The following RGS6 variants were observed in gnomAD, a reference collection of about 807,000 sequenced individuals.
RGS6 encodes regulator of G protein signaling 6.
Under a neutral mutation model 78.5 loss-of-function variants are expected in RGS6, and 30 were observed. The ratio of observed to expected loss-of-function variants is 0.38; its 90% confidence interval spans 0.29 to 0.52. The LOEUF is 0.52. RGS6 is among the 20% of genes least tolerant of loss of function. The pLI, the probability that RGS6 is intolerant of heterozygous loss-of-function variation, is 0.85. For synonymous variants in RGS6, 206 were observed against 206.0 expected (o/e 1.00, Z 0.00); for missense variants, 495 against 609.7 (o/e 0.81, Z 1.98).
In RGS6 at chr14:72,518,424, C is replaced by A; in HGVS notation, c.1165C>A (p.Gln389Lys). The A allele has an allele frequency of 6.2e-7, 1 of 1,614,184 alleles. No homozygotes were observed. The highest frequency in any genetic ancestry group is 1.1e-5 in the South Asian group (1 of 91,084). ...GGCCAAGAGGGTAGAAGAAATCTGGCAAGAGTTTCTGGCTCCAGGGGCTCC... is the reference window on the plus strand; with the variant it reads ...GGCCAAGAGGGTAGAAGAAATCTGGAAAGAGTTTCTGGCTCCAGGGGCTCC... ...DVAKRVEEIW[Q>K]EFLAPGAPSA... is the part of the protein sequence containing the mutation. Residue 389 changes from glutamine (Q) to lysine (K), a missense_variant, in exon 15 of 18, where the codon CAA (glutamine) becomes AAA (lysine). Gln to Lys is a moderately conservative substitution (Grantham distance 53). Transcript: ENST00000553525.
At chr14:72,469,061 C>T (rs2096003947) in intron 7 of RGS6, among the ~76,000 whole-genome samples, 3 of 152,140 alleles carry the variant, frequency 2.0e-5, no homozygotes, top group African/African-American at 7.2e-5. Context: ...CTCCTCGCCG[C>T]CCATCCTCAT....
intron 2 of RGS6, among the ~76,000 whole-genome samples, chr14:72,327,569 G>A (rs1306609523): frequency 3.9e-5 from 6 of 152,208 alleles, no homozygotes; most frequent in Non-Finnish European, 8.8e-5. Flanking sequence ...TACATCACCA[G>A]TCAGGTGTAC....
intron 3 of RGS6, among the ~76,000 whole-genome samples, chr14:72,402,765 T>C (rs1319342259): frequency 6.6e-6 from 1 of 151,688 alleles, no homozygotes; most frequent in Non-Finnish European, 1.5e-5. Flanking sequence ...CTGTATTGTT[T>C]TGTTTTATAT....
intron 2 of RGS6, among the ~76,000 whole-genome samples, chr14:72,026,029 A>G (rs1200938323): frequency 6.6e-6 from 1 of 152,198 alleles, no homozygotes; most frequent in Non-Finnish European, 1.5e-5. Flanking sequence ...GTTGAACTTC[A>G]GAGAATAGTC....
At chr14:72,005,710 G>C (rs12148043) in intron 2 of RGS6, among the ~76,000 whole-genome samples, 1 of 151,850 alleles carries the variant, frequency 6.6e-6, no homozygotes, top group African/African-American at 2.4e-5. Flanking sequence ...TCATTTGAAG[G>C]GTCCTTTGGA....
At chr14:72,173,445 G>A (rs997822634) in intron 2 of RGS6, among the ~76,000 whole-genome samples, 1 of 152,200 alleles carries the variant, frequency 6.6e-6, no homozygotes, top group Admixed American at 6.5e-5. Context: ...GCCAGTCGCT[G>A]TGACAGAATG....
At chr14:72,444,061 C>T (rs890732803) in intron 3 of RGS6, among the ~76,000 whole-genome samples, 1 of 152,316 alleles carries the variant, frequency 6.6e-6, no homozygotes, top group African/African-American at 2.4e-5. Context: ...CTAATCTCTC[C>T]TCCACCCCCA....
At chr14:72,238,600 T>C (rs1301478544) in intron 2 of RGS6, among the ~76,000 whole-genome samples, 1 of 152,190 alleles carries the variant, frequency 6.6e-6, no homozygotes, top group Non-Finnish European at 1.5e-5. Context: ...TCATCTTGTT[T>C]TCTCAGTGTG....
At chr14:72,335,846 C>G (rs967195569) in intron 2 of RGS6, among the ~76,000 whole-genome samples, 13 of 152,176 alleles carry the variant, frequency 8.5e-5, no homozygotes, top group African/African-American at 3.1e-4. Context: ...GGAAGAAGAT[C>G]TAATCACTCT....
chr14:72,219,899 C>G (rs1013387819), intron 2 of RGS6, among the ~76,000 whole-genome samples: 1 of 151,976 alleles, frequency 6.6e-6, no homozygotes, highest in African/African-American at 2.4e-5. Flanking sequence ...TTCTTCCAGA[C>G]GAACATTCCT....
intron 2 of RGS6, among the ~76,000 whole-genome samples, chr14:72,330,579 T>C (rs967694108): frequency 1.3e-5 from 2 of 152,214 alleles, no homozygotes; most frequent in African/African-American, 4.8e-5. Flanking sequence ...GTGTCTGAGT[T>C]TGATTCCTCC....
rs192747042 is a variant in RGS6 at position 72,079,989 on chromosome 14, A to G, written c.84+115114A>G. On this transcript the variant is annotated intron_variant, in intron 2 of 17. Coordinates refer to ENST00000553525, the MANE Select transcript of RGS6 (RefSeq NM_001204424.2). ...TTTGATTATTGTGACTAATGCTACAATGAACACGGGAGTGCAGGCAACTCT... is the reference window on the plus strand; with the variant it reads ...TTTGATTATTGTGACTAATGCTACAGTGAACACGGGAGTGCAGGCAACTCT... Among the ~76,000 whole-genome samples, 10 of 152,266 alleles carry G rather than the reference A, an allele frequency of 6.6e-5. No individual in the cohort carries two copies. In the East Asian group the frequency reaches 1.5e-3, roughly 24 times the overall value.
chr14:72,107,421 C>T (rs1422271662), intron 2 of RGS6, among the ~76,000 whole-genome samples: 5 of 152,054 alleles, frequency 3.3e-5, no homozygotes, highest in Admixed American at 1.3e-4. Context: ...TTTTTTATTA[C>T]AGGCTCATCT....
intron 12 of RGS6, among the ~76,000 whole-genome samples, chr14:72,489,457 T>C (rs1011236105): frequency 5.9e-5 from 9 of 152,232 alleles, no homozygotes; most frequent in African/African-American, 2.2e-4. Context: ...TCCTAGGCCT[T>C]ACCTGTGAAA....
intron 2 of RGS6, among the ~76,000 whole-genome samples, chr14:72,346,878 T>C (rs981429871): frequency 6.6e-6 from 1 of 152,230 alleles, no homozygotes; most frequent in African/African-American, 2.4e-5. Flanking sequence ...CAGTGAATTG[T>C]GTCTATCTTT....
intron 2 of RGS6, among the ~76,000 whole-genome samples, chr14:72,150,701 AACTC>A (rs920093651): frequency 6.6e-6 from 1 of 151,962 alleles, no homozygotes; most frequent in African/African-American, 2.4e-5. Flanking sequence ...ATCTCGTAAG[AACTC>A]ACTCACTGCC....
chr14:72,284,729 C>A (rs1027162123), intron 2 of RGS6, among the ~76,000 whole-genome samples: 9 of 152,186 alleles, frequency 5.9e-5, no homozygotes, highest in Admixed American at 6.5e-5. Context: ...ATCTTCCAGA[C>A]CCCAGAATGG....
Position 72,510,222 on chromosome 14 carries a change from TG to T in RGS6, c.1038del (p.Arg347GlyfsTer38). 1 of 1,614,034 alleles carries T rather than the reference TG, an allele frequency of 6.2e-7. No individual in the cohort carries two copies. The highest frequency in any genetic ancestry group is 8.5e-7 in the Non-Finnish European group (1 of 1,179,974). On this transcript the variant is annotated frameshift_variant, in exon 14 of 18. Transcript: ENST00000553525. LOFTEE classifies it high-confidence loss of function. Reference protein sequence around the residue: ...FSFDEILKDQVGRDQFLRFLE... With the variant: ...FSFDEILKDQXGRDQFLRFLE... ...TTCGATGAGATATTGAAGGACCAGG[TG>T]GGGCGGGACCAGTTTCTACGATTCC... is the stretch of plus-strand genomic sequence containing the variant.
chr14:72,463,763 A>C (rs1220939612), intron 6 of RGS6, among the ~76,000 whole-genome samples: 2 of 152,238 alleles, frequency 1.3e-5, no homozygotes, highest in Non-Finnish European at 1.5e-5. Flanking sequence ...AGCTGGTGAC[A>C]TGTCAAGCTT....
Sources: gnomAD v4.1 joint callset for allele counts (sites outside exome capture counted in the v4.1 genomes callset) on GRCh38, gnomAD v4.1.1 for gene constraint, MANE v1.5 for transcripts, NCBI Gene and HGNC (gene_info 2026-07-23, HGNC 2026-07-21) for gene names.